CSMD3: variants seen among roughly 807,000 people sequenced by gnomAD.
CSMD3 encodes CUB and Sushi multiple domains 3, also known as CUB and sushi domain-containing protein 3.
A neutral mutation model predicts 435.2 loss-of-function variants in CSMD3; 177 were observed. That is an observed-to-expected ratio of 0.41 (90% CI 0.36 to 0.46). The LOEUF (loss-of-function observed/expected upper bound fraction) is 0.46. Ranked by LOEUF, CSMD3 falls within the 20% of genes least tolerant of loss-of-function variation. The pLI is 0.34. For missense variants in CSMD3, 4,265 were observed against 4,504.6 expected, an observed-to-expected ratio of 0.95 and a Z score of 1.52; for synonymous variants, 1,656 against 1,520.5, an observed-to-expected ratio of 1.09 and a Z score of -2.07.
chr8:112,252,994 G>A (rs1238702668), intron 63 of CSMD3, among the ~76,000 whole-genome samples: 1 of 151,422 alleles, frequency 6.6e-6, no homozygotes, highest in East Asian at 1.9e-4. Context: ...TCATTTTGTT[G>A]GATGACTGTT....
At chr8:112,247,229 C>A in intron 63 of CSMD3, 98 bp from the exon 64 acceptor site, 3 of 743,644 alleles carry the variant, frequency 4.0e-6, no homozygotes, top group African/African-American at 1.7e-5. Context: ...AGTGAAATTC[C>A]GTATGGTAAA....
rs948815619 is a variant in CSMD3 at position 112,894,275 on chromosome 8, C to T, written c.1633+27352G>A. Among the ~76,000 whole-genome samples, 3 of 151,480 alleles carry T rather than the reference C, an allele frequency of 2.0e-5. No homozygotes were observed. The East Asian group carries it at 5.9e-4, about 30-fold the overall frequency. On this transcript the variant is annotated intron_variant, in intron 10 of 70. Transcript: ENST00000297405. ...CAGATGGCATTGAAATGGTGCATTA[C>T]AAAGTGGTAAATGATGCAAGCTCTG...
At chr8:112,693,300 T>C (rs891755305) in intron 13 of CSMD3, among the ~76,000 whole-genome samples, 8 of 152,102 alleles carry the variant, frequency 5.3e-5, no homozygotes, top group Admixed American at 3.9e-4. Flanking sequence ...GGTGACACTA[T>C]TGCTAGGTTC....
chr8:112,352,468 T>G lies in CSMD3; in HGVS notation c.6203A>C (p.Tyr2068Ser). 1 of 1,613,658 alleles carries G rather than the reference T, an allele frequency of 6.2e-7. No homozygotes were observed. Among genetic ancestry groups the G allele is most frequent in the African/African-American group, 1.3e-5 (1 of 75,034 alleles). The part of the protein sequence containing the change: ...PSSGIKIGDR[Y>S]MVGDVVSFQC... ...AAAGGATACTACATCTCCAACCATA[T>G]ATCTGTCTCCAATTTTAATTCCACT... is the stretch of plus-strand genomic sequence containing the variant. The change falls in exon 39 of 71, where the codon TAT becomes TCT. Residue 2068 changes from tyrosine (Y) to serine (S), a missense_variant. Tyr to Ser is a moderately radical substitution (Grantham distance 144, BLOSUM62 -2). This residue lies in a region of CSMD3 where 3,255 missense variants were observed against 3,380.2 expected (regional missense o/e 0.96). Coordinates refer to ENST00000297405, the MANE Select transcript of CSMD3 (RefSeq NM_198123.2).
intron 22 of CSMD3, among the ~76,000 whole-genome samples, chr8:112,631,333 T>G (rs2074508677): frequency 6.6e-6 from 1 of 152,076 alleles, no homozygotes; most frequent in African/African-American, 2.4e-5. Flanking sequence ...TAATTGTAAC[T>G]CAAACCATGT....
chr8:113,393,018 C>G (rs1356942179), intron 1 of CSMD3, among the ~76,000 whole-genome samples: 1 of 148,820 alleles, frequency 6.7e-6, no homozygotes, highest in Non-Finnish European at 1.5e-5. Flanking sequence ...TGTTTTTTTA[C>G]ATATATATAA....
At chr8:112,966,799 A>G (rs1159947510) in intron 7 of CSMD3, among the ~76,000 whole-genome samples, 1 of 151,882 alleles carries the variant, frequency 6.6e-6, no homozygotes, top group African/African-American at 2.4e-5. Flanking sequence ...TGATTCAGAA[A>G]ATCCATCTGC....
intron 2 of CSMD3, chr8:113,312,001 G>C (rs1351781112): frequency 6.6e-6 from 1 of 151,964 alleles, no homozygotes; most frequent in Admixed American, 6.6e-5. Flanking sequence ...TATTACACCT[G>C]TTTGAAAATA....
At chr8:112,690,559 T>A (rs984748972) in intron 13 of CSMD3, among the ~76,000 whole-genome samples, 15 of 150,158 alleles carry the variant, frequency 1.0e-4, no homozygotes, top group Non-Finnish European at 4.4e-5. Context: ...ACTCTGGTAC[T>A]AGTTGGTTGA....
At chr8:112,416,864 T>C (rs934384436) in intron 32 of CSMD3, among the ~76,000 whole-genome samples, 1 of 151,876 alleles carries the variant, frequency 6.6e-6, no homozygotes, top group African/African-American at 2.4e-5. Context: ...TCAAATCCTA[T>C]GTAGAAGGTG....
intron 12 of CSMD3, among the ~76,000 whole-genome samples, chr8:112,801,561 A>G (rs1310083664): frequency 6.6e-6 from 1 of 152,052 alleles, no homozygotes; most frequent in East Asian, 1.9e-4. Context: ...CCTGCCAAAA[A>G]CCATTTTAAA....
chr8:112,637,035 G>A lies in CSMD3; in HGVS notation c.3527-30C>T, dbSNP rs746457391. 38 of 1,570,348 alleles carry A rather than the reference G, an allele frequency of 2.4e-5. No individual in the cohort carries two copies. The East Asian group carries it at 3.4e-4, about 14-fold the overall frequency. On this transcript the variant is annotated intron_variant, in intron 21 of 70. Transcript: ENST00000297405. ...AAATTAGAGAGAAAAATTTCCCCGC[G>A]GGGGAGGAAAGGACAAAGAAAATGA... is the stretch of plus-strand genomic sequence containing the variant.
chr8:112,557,494 G>A (rs906980049), intron 24 of CSMD3, among the ~76,000 whole-genome samples: 5 of 151,966 alleles, frequency 3.3e-5, no homozygotes, highest in Non-Finnish European at 7.4e-5. Context: ...TTTCAGTGCC[G>A]TCCCCATGGC....
chr8:112,772,446 TACGCAGAG>T (rs1426719688), intron 13 of CSMD3, among the ~76,000 whole-genome samples: 2 of 152,210 alleles, frequency 1.3e-5, no homozygotes, highest in East Asian at 3.9e-4. Context: ...TAATCTCAAG[TACGCAGAG>T]ACACAAAACA....
chr8:112,951,598 C>T (rs1396289943), intron 8 of CSMD3, among the ~76,000 whole-genome samples: 1 of 151,700 alleles, frequency 6.6e-6, no homozygotes, highest in Non-Finnish European at 1.5e-5. Flanking sequence ...TATACTAAAA[C>T]CCTTCACATT....
At chr8:113,409,079 CTTTT>C (rs1218107775) in intron 1 of CSMD3, among the ~76,000 whole-genome samples, 27 of 99,086 alleles carry the variant, frequency 2.7e-4, no homozygotes, top group African/African-American at 9.9e-4. Context: ...TCTTCTTCTT[CTTTT>C]TTTTTTTTTT....
intron 6 of CSMD3, among the ~76,000 whole-genome samples, chr8:112,979,087 A>C (rs1160721355): frequency 6.6e-6 from 1 of 151,946 alleles, no homozygotes; most frequent in Non-Finnish European, 1.5e-5. Context: ...CACTTTGAAA[A>C]AGTGTGGAAT....
At chr8:112,601,753 G>C (rs971446635) in intron 22 of CSMD3, among the ~76,000 whole-genome samples, 56 of 152,122 alleles carry the variant, frequency 3.7e-4, no homozygotes, top group East Asian at 1.9e-4. Flanking sequence ...AAAGGGAAAG[G>C]CAGGAGTAAC....
At chr8:112,484,491 A>C (rs1444211636) in intron 31 of CSMD3, among the ~76,000 whole-genome samples, 1 of 150,950 alleles carries the variant, frequency 6.6e-6, no homozygotes, top group Non-Finnish European at 1.5e-5. Context: ...GATTCAACAC[A>C]CCCACACACA....
Sources: gnomAD v4.1 joint callset for allele counts (sites outside exome capture counted in the v4.1 genomes callset) on GRCh38, gnomAD v4.1.1 for gene constraint, gnomAD v4.1.1 regional missense constraint, MANE v1.5 for transcripts, NCBI Gene and HGNC (gene_info 2026-07-23, HGNC 2026-07-21) for gene names.